CDX4: variants seen among roughly 807,000 people sequenced by gnomAD.
The protein encoded by CDX4 is homeobox protein CDX-4.
In CDX4, 11 loss-of-function variants were observed where a neutral mutation model predicts 14.1. The observed-to-expected ratio is 0.78, with a 90% confidence interval of 0.49 to 1.29. CDX4 has a LOEUF of 1.29. Ranked by LOEUF, CDX4 falls within the 50% of genes most tolerant of loss-of-function variation. The pLI is 0.00. For missense variants in CDX4, 257 were observed against 237.4 expected, an observed-to-expected ratio of 1.08 and a Z score of -0.54; for synonymous variants, 100 against 93.5, an observed-to-expected ratio of 1.07 and a Z score of -0.40.
At position 73,447,530 on chromosome X, in the gene CDX4, A is replaced by G; in HGVS notation, c.277A>G (p.Met93Val). The change falls in exon 1 of 3, where the codon ATG becomes GTG. Residue 93 changes from methionine (M) to valine (V), a missense_variant. Transcript: ENST00000373514. ...CGTGTATCCTGGGCCGTCTAGTACA[A>G]TGGGCACAGTGCCGGTGAACGACGT... The part of the protein sequence containing the change: ...WSVYPGPSST[M>V]GTVPVNDVTS... 2 of 1,211,507 alleles carry G rather than the reference A, an allele frequency of 1.7e-6. No homozygotes were observed. Among genetic ancestry groups the G allele is most frequent in the Non-Finnish European group, 2.2e-6 (2 of 895,255 alleles).
rs2057097335 is a variant in CDX4, at chrX:73,453,771, T to TCCCAAGTAGC, written c.648+109_648+110insCCCAAGTAGC. 4.8e-6 allele frequency: 3 copies of TCCCAAGTAGC among 622,884 alleles called. No individual in the cohort carries two copies. In the African/African-American group the frequency reaches 7.2e-5, roughly 15 times the overall value. 51.3% of individuals were successfully genotyped at this position (622,884 alleles called of 1,213,427 possible). A position where few individuals can be genotyped will look rare whatever the true frequency, so the allele number is the denominator to read the frequency against. ...ATTGCCTTATCCCAAGTAGCTTGCA[T>TCCCAAGTAGC]TTCAACCACGTGTGAAGGCACATTG... is the stretch of plus-strand genomic sequence containing the variant. On this transcript the variant is annotated intron_variant, in intron 2 of 2. Transcript: ENST00000373514.
chrX:73,452,289 A>T lies in CDX4; in HGVS notation c.503-1228A>T, dbSNP rs931371147. ...TTTTGTTAGGCCTGTGCTGTATCTT[A>T]ACACCTCAGTGGAGTTTAGGGAACC... On this transcript the variant is annotated intron_variant, in intron 1 of 2. Coordinates refer to ENST00000373514, the MANE Select transcript of CDX4 (RefSeq NM_005193.2). Among the ~76,000 whole-genome samples, 35 of 109,817 alleles carry T rather than the reference A, an allele frequency of 3.2e-4. No individual in the cohort carries two copies. The Admixed American group carries it at 3.2e-3, about 10-fold the overall frequency.
Position 73,453,624 on chromosome X carries a change from T to C in CDX4, c.610T>C (p.Ser204Pro). 8.3e-7 allele frequency: 1 copy of C among 1,205,736 alleles called. No homozygotes were observed. The highest frequency in any genetic ancestry group is 1.1e-6 in the Non-Finnish European group (1 of 892,310). ...CNRYITIQRK[S>P]ELAVNLGLSE... ...TAGATATATCACCATCCAGAGAAAA[T>C]CAGAGCTGGCAGTTAACCTGGGCCT... The change falls in exon 2 of 3, where the codon TCA becomes CCA. Residue 204 changes from serine (S) to proline (P), a missense_variant. Transcript: ENST00000373514.
At position 73,454,544 on chromosome X, in the gene CDX4, T is replaced by G; in HGVS notation, c.814T>G (p.Phe272Val). The change falls in exon 3 of 3, where the codon TTT becomes GTT. Residue 272 changes from phenylalanine (F) to valine (V), a missense_variant. Phe to Val is a conservative substitution (Grantham distance 50). Coordinates refer to ENST00000373514, the MANE Select transcript of CDX4 (RefSeq NM_005193.2). ...FFTTPSAVRG[F>V]QPIEIQQVIV... The stretch of plus-strand genomic sequence containing the variant: ...CACCACACCATCTGCTGTTCGTGGA[T>G]TTCAACCTATTGAGATACAGCAGGT... 2.5e-6 allele frequency: 3 copies of G among 1,209,732 alleles called. No individual in the cohort carries two copies. The highest frequency in any genetic ancestry group is 3.4e-6 in the Non-Finnish European group (3 of 893,916).
chrX:73,452,371 C>T (rs1049705762), intron 1 of CDX4, among the ~76,000 whole-genome samples: 1 of 109,720 alleles, frequency 9.1e-6, no homozygotes, highest in Admixed American at 9.7e-5. Flanking sequence ...TAAAAAACAA[C>T]CAGGGAAGAT....
At position 73,454,908 on chromosome X, in the gene CDX4, A is replaced by G. The variant is rs2057102243; in HGVS notation, c.*323A>G. 2.1e-5 allele frequency: 4 copies of G among 186,854 alleles called. No homozygotes were observed. The East Asian group carries it at 4.5e-4, about 21-fold the overall frequency. 15.4% of individuals were successfully genotyped at this position (186,854 alleles called of 1,213,427 possible). A position where few individuals can be genotyped will look rare whatever the true frequency, so the allele number is the denominator to read the frequency against. ...GCTTATGAATAGACTGTAAAATACA[A>G]TTTTGCCAGAAAGCACATTTGTGTA... On this transcript the variant is annotated 3_prime_UTR_variant, in exon 3 of 3. Transcript: ENST00000373514.
intron 1 of CDX4, among the ~76,000 whole-genome samples, chrX:73,448,288 T>C (rs2085055027): frequency 9.0e-6 from 1 of 110,544 alleles, no homozygotes; most frequent in Non-Finnish European, 1.9e-5. Context: ...GTTTAGCCAC[T>C]AAGTCCCCGA....
Position 73,454,792 on chromosome X carries a change from T to C in CDX4, c.*207T>C. 3 of 386,194 alleles carry C rather than the reference T, an allele frequency of 7.8e-6. No homozygotes were observed. The highest frequency in any genetic ancestry group is 5.5e-5 in the South Asian group (1 of 18,321). 31.8% of individuals were successfully genotyped at this position (386,194 alleles called of 1,213,427 possible). A position where few individuals can be genotyped will look rare whatever the true frequency, so the allele number is the denominator to read the frequency against. On this transcript the variant is annotated 3_prime_UTR_variant, in exon 3 of 3. Transcript: ENST00000373514. ...AACTCCTGTCACGTGCTGTGCTATATGTCAGTCACTCAGGAATCTTAGTGG... is the reference window on the plus strand; with the variant it reads ...AACTCCTGTCACGTGCTGTGCTATACGTCAGTCACTCAGGAATCTTAGTGG...
At position 73,449,878 on chromosome X, in the gene CDX4, T is replaced by C. The variant is rs147397134; in HGVS notation, c.502+2123T>C. On this transcript the variant is annotated intron_variant, in intron 1 of 2. Coordinates refer to ENST00000373514, the MANE Select transcript of CDX4 (RefSeq NM_005193.2). ...AGCCCTTTCAAGGGACATCAGGTTA[T>C]AAACCCCACGAAAAAAATTAAGCTG... Among the ~76,000 whole-genome samples the C allele has an allele frequency of 9.5e-3, 1,061 of 111,369 alleles. 7 individuals are homozygous for C. The highest frequency in any genetic ancestry group is 0.033 in the African/African-American group (1,026 of 30,639).
At chrX:73,449,927 C>T (rs1484989238) in intron 1 of CDX4, among the ~76,000 whole-genome samples, 1 of 111,455 alleles carries the variant, frequency 9.0e-6, no homozygotes, top group Non-Finnish European at 1.9e-5. Flanking sequence ...GCCACCCACT[C>T]AGGACCAAAA....
chrX:73,450,342 T>C (rs1364709785), intron 1 of CDX4, among the ~76,000 whole-genome samples: 1 of 111,866 alleles, frequency 8.9e-6, no homozygotes, highest in Non-Finnish European at 1.9e-5. Context: ...GTGGTCTATT[T>C]CTATACATAT....
At chrX:73,447,984 C>T (rs929362411) in intron 1 of CDX4, among the ~76,000 whole-genome samples, 2 of 112,089 alleles carry the variant, frequency 1.8e-5, no homozygotes, top group African/African-American at 6.5e-5. Flanking sequence ...AGGTGATTTT[C>T]GCCTTTCGCT....
At chrX:73,453,057 A>G (rs976785057) in intron 1 of CDX4, among the ~76,000 whole-genome samples, 1 of 111,926 alleles carries the variant, frequency 8.9e-6, no homozygotes, top group African/African-American at 3.2e-5. Context: ...AAGACTGCAT[A>G]AAATGTAGTG....
intron 1 of CDX4, among the ~76,000 whole-genome samples, chrX:73,449,918 C>T (rs1222186702): frequency 9.0e-6 from 1 of 111,353 alleles, no homozygotes; most frequent in Non-Finnish European, 1.9e-5. Flanking sequence ...CCTCACTAGG[C>T]CACCCACTCA....
chrX:73,447,806 G>C lies in CDX4; in HGVS notation c.502+51G>C, dbSNP rs375490577. ...ACACTTTTCCTTCCTTCCCTTCTCC[G>C]CTACTTCTCTTGGTCGGCCTGCCCT... On this transcript the variant is annotated intron_variant, in intron 1 of 2. Coordinates refer to ENST00000373514, the MANE Select transcript of CDX4 (RefSeq NM_005193.2). The C allele has an allele frequency of 5.0e-4, 568 of 1,129,691 alleles. No homozygotes were observed. Among genetic ancestry groups the C allele is most frequent in the Non-Finnish European group, 6.5e-4 (555 of 854,649 alleles). The allele number at this position is 1,129,691 out of a possible 1,213,427, so 93.1% of individuals were successfully genotyped here.
chrX:73,449,464 G>A (rs2057080598), intron 1 of CDX4, among the ~76,000 whole-genome samples: 1 of 111,528 alleles, frequency 9.0e-6, no homozygotes, highest in Non-Finnish European at 1.9e-5. Flanking sequence ...CTAATGCCAG[G>A]AAAGGTTTCG....
intron 1 of CDX4, 24 bp from the exon 2 acceptor site, chrX:73,453,493 A>G (rs1569494326): frequency 2.5e-6 from 3 of 1,178,981 alleles, no homozygotes; most frequent in African/African-American, 1.8e-5. Flanking sequence ...AAAAGATTAA[A>G]TGCAATGCTT....
In CDX4 at chrX:73,447,429, T is replaced by C; in HGVS notation, c.176T>C (p.Met59Thr). 1.7e-6 allele frequency: 2 copies of C among 1,211,259 alleles called. No individual in the cohort carries two copies. The highest frequency in any genetic ancestry group is 2.2e-6 in the Non-Finnish European group (2 of 895,081). The change falls in exon 1 of 3, where the codon ATG becomes ACG. Residue 59 changes from methionine (M) to threonine (T), a missense_variant. Transcript: ENST00000373514. Reference sequence around the variant, plus strand: ...TCGCACTATATGGGGTATCCTCATATGCCCAGCATGGATCCTCACTGGCCG... The same window carrying C: ...TCGCACTATATGGGGTATCCTCATACGCCCAGCATGGATCCTCACTGGCCG... ...AFSHYMGYPH[M>T]PSMDPHWPSL...
At chrX:73,449,078 A>T (rs898148856) in intron 1 of CDX4, among the ~76,000 whole-genome samples, 6 of 111,774 alleles carry the variant, frequency 5.4e-5, no homozygotes, top group African/African-American at 9.8e-5. Flanking sequence ...TCTGCATTTT[A>T]AAAAAATATG....
Sources: allele counts gnomAD v4.1 joint callset (sites outside exome capture counted in the v4.1 genomes callset), GRCh38; gene constraint gnomAD v4.1.1; transcripts MANE v1.5; gene names NCBI Gene and HGNC (gene_info 2026-07-23, HGNC 2026-07-21).